Variants in DLC1 observed in about 807,000 individuals in gnomAD.
DLC1 encodes the protein rho GTPase-activating protein 7.
DLC1 carries 54 observed loss-of-function variants against 140.3 expected under a neutral mutation model. The ratio of observed to expected loss-of-function variants is 0.38; its 90% confidence interval spans 0.31 to 0.48. DLC1 has a LOEUF of 0.48. Ranked by LOEUF, DLC1 falls within the 20% of genes least tolerant of loss-of-function variation. DLC1 has a pLI of 0.96. For missense variants in DLC1, 2,536 were observed against 1,907.0 expected (o/e 1.33, Z -6.14); for synonymous variants, 986 against 728.1 (o/e 1.35, Z -5.70).
chr8:13,539,746 GTGTA>G (rs1346309133), intron 1 of DLC1, among the ~76,000 whole-genome samples: 183 of 125,418 alleles, frequency 1.5e-3, no homozygotes, highest in African/African-American at 5.4e-3. Flanking sequence ...AGAAATGTGT[GTGTA>G]TGTGTGTGTG....
chr8:13,450,664 G>C (rs1798997370), intron 2 of DLC1, among the ~76,000 whole-genome samples: 1 of 151,916 alleles, frequency 6.6e-6, no homozygotes, highest in Non-Finnish European at 1.5e-5. Context: ...CATATTTTAA[G>C]AGTGAAAAGT....
intron 5 of DLC1, among the ~76,000 whole-genome samples, chr8:13,189,006 A>G (rs1238795092): frequency 6.6e-6 from 1 of 151,316 alleles, no homozygotes; most frequent in Non-Finnish European, 1.5e-5. Flanking sequence ...AATATTTTTA[A>G]ACAAATAAAA....
At chr8:13,484,994 T>C (rs1320496321) in intron 2 of DLC1, among the ~76,000 whole-genome samples, 1 of 152,146 alleles carries the variant, frequency 6.6e-6, no homozygotes, top group Non-Finnish European at 1.5e-5. Flanking sequence ...ATGGTACCCA[T>C]TCCTTGAAAA....
At chr8:13,392,924 C>G (rs1245340116) in intron 4 of DLC1, among the ~76,000 whole-genome samples, 2 of 152,176 alleles carry the variant, frequency 1.3e-5, no homozygotes, top group African/African-American at 2.4e-5. Flanking sequence ...CTGATCATTT[C>G]ACTAAGCACT....
intron 5 of DLC1, among the ~76,000 whole-genome samples, chr8:13,264,912 GC>G (rs1436457117): frequency 1.3e-5 from 2 of 152,112 alleles, no homozygotes; most frequent in Non-Finnish European, 2.9e-5. Flanking sequence ...CAACTGCATG[GC>G]CCATTAACTA....
At chr8:13,472,992 C>G (rs1428820546) in intron 2 of DLC1, among the ~76,000 whole-genome samples, 5 of 152,026 alleles carry the variant, frequency 3.3e-5, no homozygotes, top group Non-Finnish European at 7.4e-5. Flanking sequence ...AAATATCTAC[C>G]TTTGAACTAA....
At chr8:13,419,721 G>A (rs1838227369) in intron 2 of DLC1, among the ~76,000 whole-genome samples, 1 of 152,100 alleles carries the variant, frequency 6.6e-6, no homozygotes. Context: ...GATGATGCTG[G>A]CCTCATAAAA....
chr8:13,295,693 A>G (rs1045243875), intron 5 of DLC1, among the ~76,000 whole-genome samples: 4 of 152,242 alleles, frequency 2.6e-5, no homozygotes, highest in African/African-American at 9.6e-5. Flanking sequence ...TACGAGAAGT[A>G]TAGTCATGCC....
At position 13,371,278 on chromosome 8, in the gene DLC1, A is replaced by G. The variant is rs548448359; in HGVS notation, c.1314+22275T>C. 2.0e-5 allele frequency among the ~76,000 whole-genome samples: 3 copies of G among 152,262 alleles called. No individual in the cohort carries two copies. The South Asian group carries it at 6.2e-4, about 32-fold the overall frequency. ...ATCATTTTGTCCCTGGATTTCCAGA[A>G]CAGCCTTCAAAATTGTCTCCCTCCC... On this transcript the variant is annotated intron_variant, in intron 4 of 17. Coordinates refer to ENST00000276297, the MANE Select transcript of DLC1 (RefSeq NM_182643.3).
chr8:13,499,303 A>T lies in DLC1; in HGVS notation c.769T>A (p.Phe257Ile), dbSNP rs146692656. The T allele has an allele frequency of 1.3e-4, 209 of 1,614,022 alleles. No homozygotes were observed. The African/African-American group carries it at 2.3e-3, about 18-fold the overall frequency. Residue 257 changes from phenylalanine (F) to isoleucine (I), a missense_variant, in exon 2 of 18, where the codon TTC (phenylalanine) becomes ATC (isoleucine). Phe to Ile is a conservative substitution (Grantham distance 21, BLOSUM62 0). Coordinates refer to ENST00000276297, the MANE Select transcript of DLC1 (RefSeq NM_182643.3). ...RSTCNVVQNE[F>I]LDTPCTNRGL... ...CTGTTTGTGCAAGGAGTATCCAAGA[A>T]CTCATTTTGTACTACATTGCAGGTG...
chr8:13,440,675 A>G (rs1798465952), intron 2 of DLC1, among the ~76,000 whole-genome samples: 1 of 152,010 alleles, frequency 6.6e-6, no homozygotes, highest in Non-Finnish European at 1.5e-5. Flanking sequence ...CAGAACTCCC[A>G]TGTATGGAGG....
In DLC1 at chr8:13,315,338, A is replaced by C. The variant is rs148174019; in HGVS notation, c.1315-10036T>G. Among the ~76,000 whole-genome samples, 5 of 152,358 alleles carry C rather than the reference A, an allele frequency of 3.3e-5. 1 individual carries two copies. Among genetic ancestry groups the C allele is most frequent in the African/African-American group, 1.2e-4 (5 of 41,588 alleles). On this transcript the variant is annotated intron_variant, in intron 4 of 17. Transcript: ENST00000276297. ...GGTTTTTGGAATCAGGATGATAATC[A>C]AATAATAGCCAAACATTTGGTGCTT...
In DLC1 at chr8:13,501,579, C is replaced by T. The variant is rs117768152; in HGVS notation, c.-125-1383G>A. Among the ~76,000 whole-genome samples, 490 of 152,204 alleles carry T rather than the reference C, an allele frequency of 3.2e-3. 2 individuals carry two copies. Among genetic ancestry groups the T allele is most frequent in the East Asian group, 0.018 (93 of 5,176 alleles). ...TTCTATTGTAAAGGGCCTTGACTCCCCAACAAAAATTTCGAGCTGTTCTGA... is the reference window on the plus strand; with the variant it reads ...TTCTATTGTAAAGGGCCTTGACTCCTCAACAAAAATTTCGAGCTGTTCTGA... On this transcript the variant is annotated intron_variant, in intron 1 of 17. Coordinates refer to ENST00000276297, the MANE Select transcript of DLC1 (RefSeq NM_182643.3).
intron 5 of DLC1, among the ~76,000 whole-genome samples, chr8:13,137,486 C>G (rs1822658405): frequency 6.6e-6 from 1 of 151,642 alleles, no homozygotes; most frequent in African/African-American, 2.4e-5. Context: ...GGTGTTGTTA[C>G]TTATTTGTTC....
chr8:13,541,085 T>A (rs1803467731), intron 1 of DLC1, among the ~76,000 whole-genome samples: 1 of 152,224 alleles, frequency 6.6e-6, no homozygotes, highest in Non-Finnish European at 1.5e-5. Context: ...CAATTTTAAG[T>A]GTACAATCTG....
At chr8:13,563,845 T>G (rs966937900) in intron 1 of DLC1, among the ~76,000 whole-genome samples, 48 of 152,194 alleles carry the variant, frequency 3.2e-4, no homozygotes, top group Non-Finnish European at 5.4e-4. Flanking sequence ...CAAAACCACC[T>G]TTAAAATTAT....
chr8:13,418,247 T>C (rs1201453883), intron 2 of DLC1, among the ~76,000 whole-genome samples: 3 of 152,192 alleles, frequency 2.0e-5, no homozygotes, highest in Admixed American at 6.5e-5. Flanking sequence ...TTTTGTCTTT[T>C]GTTGCCATTG....
chr8:13,455,044 T>C (rs537664223), intron 2 of DLC1, among the ~76,000 whole-genome samples: 1 of 152,326 alleles, frequency 6.6e-6, no homozygotes, highest in South Asian at 2.1e-4. Flanking sequence ...CAACAAATGT[T>C]TGTTGAATGA....
intron 2 of DLC1, among the ~76,000 whole-genome samples, chr8:13,462,091 T>C (rs1454961122): frequency 6.6e-6 from 1 of 152,178 alleles, no homozygotes; most frequent in Non-Finnish European, 1.5e-5. Context: ...GAATGAGACT[T>C]CCTGTTGCTC....
Sources: gnomAD v4.1 joint callset for allele counts (sites outside exome capture counted in the v4.1 genomes callset) on GRCh38, gnomAD v4.1.1 for gene constraint, MANE v1.5 for transcripts, NCBI Gene and HGNC (gene_info 2026-07-23, HGNC 2026-07-21) for gene names.